Variants in STAU2 observed in about 807,000 individuals in gnomAD.
The protein encoded by STAU2 is staufen double-stranded RNA binding protein 2.
A neutral mutation model predicts 65.9 loss-of-function variants in STAU2; 20 were observed. The ratio of observed to expected loss-of-function variants is 0.30; its 90% CI spans 0.21 to 0.44. STAU2 has a LOEUF of 0.44. Among genes scored for constraint, STAU2 ranks in the 20% least tolerant of loss-of-function variants. STAU2 has a pLI of 1.00. For synonymous variants in STAU2, 232 were observed against 233.9 expected (o/e 0.99, Z 0.07); for missense variants, 558 against 683.9 (o/e 0.82, Z 2.05).
chr8:73,703,467 G>A (rs116994519), intron 4 of STAU2, among the ~76,000 whole-genome samples: 2,343 of 152,222 alleles, frequency 0.015, 38 homozygotes, highest in Non-Finnish European at 0.025. Flanking sequence ...AGCAATACAA[G>A]AATGGACTAA....
intron 12 of STAU2, among the ~76,000 whole-genome samples, chr8:73,579,221 T>C (rs1350883162): frequency 6.6e-6 from 1 of 152,232 alleles, no homozygotes; most frequent in East Asian, 1.9e-4. Flanking sequence ...CACAAGTATT[T>C]GTCTTTGGTC....
chr8:73,591,261 T>TA (rs1345846966), intron 11 of STAU2, among the ~76,000 whole-genome samples: 1 of 151,714 alleles, frequency 6.6e-6, no homozygotes, highest in Non-Finnish European at 1.5e-5. Flanking sequence ...CAGAGAAACT[T>TA]AGAGAAGTAA....
intron 13 of STAU2, among the ~76,000 whole-genome samples, chr8:73,455,681 C>T (rs1021018245): frequency 3.9e-5 from 6 of 152,170 alleles, no homozygotes; most frequent in Non-Finnish European, 5.9e-5. Flanking sequence ...CCGTCATTTC[C>T]TCCCCTAAAG....
intron 11 of STAU2, among the ~76,000 whole-genome samples, chr8:73,586,587 T>C (rs1245561853): frequency 5.3e-5 from 7 of 132,156 alleles, no homozygotes; most frequent in Non-Finnish European, 1.5e-5. Context: ...AGAAGACACA[T>C]CCAGGGTTCC....
At chr8:73,747,237 G>A, upstream of STAU2, 1 of 905,192 alleles carries the variant, frequency 1.1e-6, no homozygotes, top group Non-Finnish European at 1.6e-6. Flanking sequence ...CAGTCTCCTC[G>A]TCCCCGGCGC....
intron 9 of STAU2, among the ~76,000 whole-genome samples, chr8:73,606,110 A>G (rs1812019982): frequency 6.6e-6 from 1 of 152,102 alleles, no homozygotes; most frequent in Non-Finnish European, 1.5e-5. Flanking sequence ...TGTAATTTCT[A>G]AAACTATAAG....
intron 6 of STAU2, among the ~76,000 whole-genome samples, chr8:73,649,217 C>T (rs1238738555): frequency 6.6e-6 from 1 of 152,230 alleles, no homozygotes; most frequent in African/African-American, 2.4e-5. Context: ...ACATTCTGCA[C>T]ATCCCATATT....
intron 13 of STAU2, among the ~76,000 whole-genome samples, chr8:73,493,123 C>T (rs1328345506): frequency 6.6e-6 from 1 of 151,776 alleles, no homozygotes; most frequent in Non-Finnish European, 1.5e-5. Context: ...ACATCACACA[C>T]AAAATTTAAC....
In STAU2 at chr8:73,487,760, T is replaced by A. The variant is rs1423903752; in HGVS notation, c.1530+64252A>T. Among the ~76,000 whole-genome samples, 3 of 152,124 alleles carry A rather than the reference T, an allele frequency of 2.0e-5. No individual in the cohort carries two copies. In the East Asian group the frequency reaches 5.8e-4, roughly 30 times the overall value. On this transcript the variant is annotated intron_variant, in intron 13 of 14. Coordinates refer to ENST00000524300, the MANE Select transcript of STAU2 (RefSeq NM_001164380.2). ...CCAGGACAAATTAGCTTAATACAGA[T>A]TAACCACTCCTACCACAAAAGAAAA...
chr8:73,654,683 C>CTTTTT (rs764223379), intron 6 of STAU2, among the ~76,000 whole-genome samples: 13 of 62,956 alleles, frequency 2.1e-4, no homozygotes, highest in Non-Finnish European at 2.4e-4. Flanking sequence ...ATTATCAAAC[C>CTTTTT]TTTTTTTTTT....
intron 13 of STAU2, among the ~76,000 whole-genome samples, chr8:73,485,427 C>G (rs932646725): frequency 1.3e-5 from 2 of 151,990 alleles, no homozygotes; most frequent in Non-Finnish European, 2.9e-5. Context: ...AGTTTACAAT[C>G]CAATTACCAA....
At chr8:73,606,083 T>G (rs1229793359) in intron 9 of STAU2, among the ~76,000 whole-genome samples, 1 of 151,996 alleles carries the variant, frequency 6.6e-6, no homozygotes, top group African/African-American at 2.4e-5. Context: ...TAACTCAAAA[T>G]GCCTCACAGA....
At chr8:73,541,277 A>C (rs554993319) in intron 13 of STAU2, among the ~76,000 whole-genome samples, 1 of 152,306 alleles carries the variant, frequency 6.6e-6, no homozygotes, top group South Asian at 2.1e-4. Flanking sequence ...CCAAAATATA[A>C]GCATAAACTC....
chr8:73,568,070 A>T (rs1808754681), intron 12 of STAU2, among the ~76,000 whole-genome samples: 1 of 152,168 alleles, frequency 6.6e-6, no homozygotes, highest in African/African-American at 2.4e-5. Context: ...GCCTTCCTGA[A>T]CCTTAATAGT....
At chr8:73,471,818 A>G (rs868834338) in intron 13 of STAU2, among the ~76,000 whole-genome samples, 2 of 32,614 alleles carry the variant, frequency 6.1e-5, no homozygotes, top group East Asian at 5.4e-3. Context: ...GACTCCAACT[A>G]AAAAAAAAAA....
chr8:73,615,898 C>T (rs949033945), intron 7 of STAU2, 116 bp from the exon 8 acceptor site: 2 of 703,486 alleles, frequency 2.8e-6, no homozygotes, highest in African/African-American at 1.8e-5. Flanking sequence ...ACTATATAGA[C>T]TGTATCTGCT....
chr8:73,471,361 T>A (rs1032824769), intron 13 of STAU2, among the ~76,000 whole-genome samples: 3 of 151,470 alleles, frequency 2.0e-5, no homozygotes, highest in Non-Finnish European at 4.4e-5. Flanking sequence ...ATTTTTATTT[T>A]TTTTTTAGTA....
intron 3 of STAU2, among the ~76,000 whole-genome samples, chr8:73,717,792 T>A: frequency 7.2e-6 from 1 of 138,212 alleles, no homozygotes; most frequent in East Asian, 2.5e-4. Context: ...CAAACTATTT[T>A]ACAGCTTTTA....
chr8:73,428,932 C>T (rs1469160896), intron 13 of STAU2, among the ~76,000 whole-genome samples: 3 of 152,200 alleles, frequency 2.0e-5, no homozygotes, highest in East Asian at 3.9e-4. Flanking sequence ...TCAAAATGAT[C>T]GTCATCCCTC....
Sources: allele counts gnomAD v4.1 joint callset (sites outside exome capture counted in the v4.1 genomes callset), GRCh38; gene constraint gnomAD v4.1.1; transcripts MANE v1.5; gene names NCBI Gene and HGNC (gene_info 2026-07-23, HGNC 2026-07-21).